VGLL4: variants seen among roughly 807,000 people sequenced by gnomAD.
The protein encoded by VGLL4 is vestigial like family member 4.
In VGLL4, 7 loss-of-function variants were observed where a neutral mutation model predicts 21.0. That is an observed-to-expected ratio of 0.33 (90% confidence interval 0.19 to 0.63). The LOEUF is 0.63. Among genes scored for constraint, VGLL4 ranks in the 20% least tolerant of loss-of-function variants. The pLI is 0.78. For synonymous variants in VGLL4, 222 were observed against 173.2 expected, an observed-to-expected ratio of 1.28 and a Z score of -2.21; for missense variants, 394 against 425.7, an observed-to-expected ratio of 0.93 and a Z score of 0.66.
intron 1 of VGLL4, among the ~76,000 whole-genome samples, chr3:11,609,681 C>T (rs1033605696): frequency 6.6e-6 from 1 of 152,214 alleles, no homozygotes; most frequent in East Asian, 1.9e-4. Context: ...AATGGGAACC[C>T]GGGTCTCGGC....
intron 2 of VGLL4, among the ~76,000 whole-genome samples, chr3:11,574,785 A>ATATGTGTGTGTGTGTGTGTGTG (rs1305114995): frequency 8.2e-6 from 1 of 121,700 alleles, no homozygotes; most frequent in African/African-American, 3.2e-5. Flanking sequence ...TCAACTATAT[A>ATATGTGTGTGTGTGTGTGTGTG]TGTGTGTGTG....
At position 11,653,289 on chromosome 3, in the gene VGLL4, CCTT is replaced by C. The variant is rs1303299646; in HGVS notation, c.64+49679_64+49681del. ...TTAATGTATCCCACCTCCACCTATT[CCTT>C]CTTCCAGTAACTACCCCCATAGGGT... is the stretch of plus-strand genomic sequence containing the variant. On this transcript the variant is annotated intron_variant, in intron 2 of 5. Coordinates refer to the VGLL4 transcript ENST00000273038. The surrounding 1 kb of genome is among the most constrained non-coding windows in gnomAD (Gnocchi z 4.2). Among the ~76,000 whole-genome samples the C allele has an allele frequency of 1.3e-5, 2 of 152,186 alleles. No homozygotes were observed. The highest frequency in any genetic ancestry group is 4.8e-5 in the African/African-American group (2 of 41,430).
chr3:11,592,856 A>G (rs989884821), intron 2 of VGLL4, among the ~76,000 whole-genome samples: 8 of 152,194 alleles, frequency 5.3e-5, no homozygotes, highest in African/African-American at 1.9e-4. Context: ...GATCGTGCCC[A>G]TGAAGCACGC....
upstream of VGLL4, among the ~76,000 whole-genome samples, chr3:11,644,845 C>CAA (rs11293808): frequency 2.5e-4 from 18 of 71,120 alleles, no homozygotes; most frequent in African/African-American, 4.1e-4. Flanking sequence ...GACTTTGTCT[C>CAA]AAAAAAAAAA....
intron 2 of VGLL4, among the ~76,000 whole-genome samples, chr3:11,572,146 G>A (rs909734793): frequency 3.4e-4 from 51 of 152,220 alleles, no homozygotes; most frequent in African/African-American, 1.2e-3. Flanking sequence ...AGTGATTGAC[G>A]TTGAGTATCT....
chr3:11,709,435 TAAA>T (rs58100629), intron 1 of VGLL4, among the ~76,000 whole-genome samples: 2 of 108,836 alleles, frequency 1.8e-5, no homozygotes, highest in African/African-American at 3.4e-5. Flanking sequence ...AGACTCCGTC[TAAA>T]AAAAAAAAAA....
chr3:11,678,179 C>G (rs889122022), intron 2 of VGLL4, among the ~76,000 whole-genome samples: 8 of 152,102 alleles, frequency 5.3e-5, no homozygotes, highest in Middle Eastern at 3.2e-3. Flanking sequence ...CTCAGCCTCC[C>G]AAGTAGCTGG....
At chr3:11,627,823 T>C (rs1055465878) in intron 1 of VGLL4, among the ~76,000 whole-genome samples, 7 of 152,188 alleles carry the variant, frequency 4.6e-5, no homozygotes, top group African/African-American at 1.7e-4. Context: ...CAAAAGAGGA[T>C]GATATAAACA....
At chr3:11,560,409 C>A (rs1433968633) in intron 3 of VGLL4, among the ~76,000 whole-genome samples, 2 of 152,222 alleles carry the variant, frequency 1.3e-5, no homozygotes, top group Non-Finnish European at 2.9e-5. Flanking sequence ...CAGCAAGGAG[C>A]TGGTTGAAAT....
chr3:11,593,089 G>A (rs891687302), intron 2 of VGLL4, among the ~76,000 whole-genome samples: 1 of 152,200 alleles, frequency 6.6e-6, no homozygotes, highest in Non-Finnish European at 1.5e-5. Flanking sequence ...GCAGGGTCAA[G>A]GGACTAAAAT....
rs976671532 is a variant in VGLL4 at position 11,716,812 on chromosome 3, G to T, written c.-14+3582C>A. Among the ~76,000 whole-genome samples the T allele has an allele frequency of 2.6e-5, 4 of 151,768 alleles. No individual in the cohort carries two copies. In the East Asian group the frequency reaches 7.7e-4, roughly 29 times the overall value. On this transcript the variant is annotated intron_variant, in intron 1 of 5. Coordinates refer to the VGLL4 transcript ENST00000273038. ...ATACTGGGTTTTTTTTTGCGGGGGG[G>T]TGGTTTATGTGGACAGATCCTAAAT...
chr3:11,675,738 A>G (rs73012810), intron 2 of VGLL4, among the ~76,000 whole-genome samples: 17,345 of 152,238 alleles, frequency 0.11, 1,223 homozygotes, highest in Admixed American at 0.15. Context: ...TAGGCAATAA[A>G]CATCATTTAG....
At position 11,640,808 on chromosome 3, in the gene VGLL4, A is replaced by G. The variant is rs1365734117; in HGVS notation, c.82+2629T>C. Reference sequence around the variant, plus strand: ...AAAAGATCGATTTGCGTATTAAGTCACAAGAGAGGTTTAAGAAAGACAGTA... The same window carrying G: ...AAAAGATCGATTTGCGTATTAAGTCGCAAGAGAGGTTTAAGAAAGACAGTA... On this transcript the variant is annotated intron_variant, in intron 1 of 4. Coordinates refer to ENST00000430365, the MANE Select transcript of VGLL4 (RefSeq NM_001128219.3). Among the ~76,000 whole-genome samples the G allele has an allele frequency of 2.6e-5, 4 of 152,160 alleles. No individual in the cohort carries two copies. The East Asian group carries it at 7.7e-4, about 29-fold the overall frequency.
At chr3:11,685,702 G>C (rs1247085185) in intron 2 of VGLL4, among the ~76,000 whole-genome samples, 1 of 152,104 alleles carries the variant, frequency 6.6e-6, no homozygotes, top group Non-Finnish European at 1.5e-5. Flanking sequence ...TGAGAGTCTA[G>C]TAGCCAGAAT....
chr3:11,560,877 C>T (rs1172182913), intron 3 of VGLL4, among the ~76,000 whole-genome samples: 2 of 152,146 alleles, frequency 1.3e-5, no homozygotes, highest in Admixed American at 6.5e-5. Context: ...GTGGACAGGG[C>T]CTCGGGTGAG....
intron 2 of VGLL4, among the ~76,000 whole-genome samples, chr3:11,593,281 T>C (rs2074544526): frequency 1.3e-5 from 2 of 152,176 alleles, no homozygotes; most frequent in Middle Eastern, 3.2e-3. Context: ...TTGCCAAAGA[T>C]TTTACATCCA....
intron 1 of VGLL4, among the ~76,000 whole-genome samples, chr3:11,619,686 G>A (rs562031012): frequency 3.9e-5 from 6 of 152,216 alleles, no homozygotes; most frequent in East Asian, 3.9e-4. Flanking sequence ...AAATCAGGCC[G>A]ATTGATGATT....
chr3:11,629,740 G>A (rs2443720), intron 1 of VGLL4, among the ~76,000 whole-genome samples: 1 of 141,028 alleles, frequency 7.1e-6, no homozygotes, highest in Admixed American at 7.2e-5. Context: ...AGAGCGAGAC[G>A]GGTCTCAAAA....
At chr3:11,654,840 T>C (rs2075932077) in intron 2 of VGLL4, among the ~76,000 whole-genome samples, 1 of 152,236 alleles carries the variant, frequency 6.6e-6, no homozygotes, top group African/African-American at 2.4e-5. Flanking sequence ...GTTTAGATTT[T>C]ATTTCATCAC....
Sources: gnomAD v4.1 joint callset for allele counts (sites outside exome capture counted in the v4.1 genomes callset) on GRCh38, gnomAD v4.1.1 for gene constraint, Gnocchi (gnomAD v3.1) non-coding constraint, MANE v1.5 for transcripts, NCBI Gene and HGNC (gene_info 2026-07-23, HGNC 2026-07-21) for gene names.